MCM3AP: variants seen among roughly 807,000 people sequenced by gnomAD.
MCM3AP encodes germinal-center associated nuclear protein.
A neutral mutation model predicts 184.1 loss-of-function variants in MCM3AP; 126 were observed. The ratio of observed to expected loss-of-function variants is 0.68; its 90% CI spans 0.59 to 0.79. The LOEUF (loss-of-function observed/expected upper bound fraction) is 0.79, where lower values mean the gene tolerates loss of function less well. Ranked by LOEUF, MCM3AP falls within the 30% of genes least tolerant of loss-of-function variation. The pLI is 0.00. For missense variants in MCM3AP, 2,496 were observed against 2,479.2 expected, an observed-to-expected ratio of 1.01 and a Z score of -0.14; for synonymous variants, 1,002 against 979.3, an observed-to-expected ratio of 1.02 and a Z score of -0.43.
intron 20 of MCM3AP, among the ~76,000 whole-genome samples, chr21:46,247,849 C>A (rs562330652): frequency 1.3e-5 from 2 of 151,918 alleles, no homozygotes; most frequent in Non-Finnish European, 2.9e-5. Context: ...ACTGTAATCC[C>A]AGCACTTGGG....
intron 2 of MCM3AP, among the ~76,000 whole-genome samples, chr21:46,283,176 T>C (rs2081355280): frequency 6.6e-6 from 1 of 152,160 alleles, no homozygotes; most frequent in Non-Finnish European, 1.5e-5. Flanking sequence ...CCGCCCACCT[T>C]GGCCTCCCCA....
At chr21:46,246,178 G>A (rs2080763556) in intron 22 of MCM3AP, 129 bp downstream of exon 22, 5 of 642,728 alleles carry the variant, frequency 7.8e-6, no homozygotes, top group Non-Finnish European at 1.4e-5. Flanking sequence ...CCACTATACT[G>A]GGTGACAATA....
rs143503028 is a variant in MCM3AP, at chr21:46,246,240, T to C, written c.4647+67A>G. The C allele has an allele frequency of 1.4e-4, 131 of 967,736 alleles. No individual in the cohort carries two copies. In the African/African-American group the frequency reaches 2.0e-3, roughly 15 times the overall value. The allele number at this position is 967,736 out of a possible 1,614,324, so 59.9% of individuals were successfully genotyped here. ...ATGCAAACGCTAATATACACTCAAT[T>C]CAAGATACAGCAAAAGGGGAAAAAA... On this transcript the variant is annotated intron_variant, in intron 22 of 27. Coordinates refer to ENST00000291688, the MANE Select transcript of MCM3AP (RefSeq NM_003906.5).
intron 19 of MCM3AP, 92 bp from the exon 20 acceptor site, chr21:46,251,774 G>C (rs991347649): frequency 4.5e-5 from 35 of 775,976 alleles, no homozygotes; most frequent in Admixed American, 1.4e-4. Context: ...AAAGAAGAAA[G>C]AAAAATATCA....
chr21:46,283,921 T>A (rs2081365687), intron 1 of MCM3AP, 83 bp from the exon 2 acceptor site: 5 of 1,552,232 alleles, frequency 3.2e-6, no homozygotes, highest in Non-Finnish European at 4.4e-6. Flanking sequence ...CAGAGGAAAT[T>A]TTCAGATGTA....
intron 22 of MCM3AP, 121 bp from the exon 23 acceptor site, chr21:46,245,318 A>T (rs1308776973): frequency 1.2e-6 from 1 of 853,726 alleles, no homozygotes. Flanking sequence ...TGGGCTCTCA[A>T]CTGTGGTAGG....
At position 46,254,481 on chromosome 21, in the gene MCM3AP, C is replaced by T. The variant is rs1387526977; in HGVS notation, c.4047G>A (p.Glu1349=). 4 of 1,614,172 alleles carry T rather than the reference C, an allele frequency of 2.5e-6. No homozygotes were observed. The highest frequency in any genetic ancestry group is 1.1e-5 in the South Asian group (1 of 91,090). ...ASLDLPSLVA[E]HLPGRQEHVF... ...CATGCTCCTGCCTCCCAGGGAGGTG[C>T]TCAGCCACGAGGGATGGCAGGTCCA... Residue 1349 remains glutamate, a synonymous_variant, in exon 19 of 28, where the codon GAG becomes GAA. Coordinates refer to ENST00000291688, the MANE Select transcript of MCM3AP (RefSeq NM_003906.5).
At position 46,283,662 on chromosome 21, in the gene MCM3AP, A is replaced by G; in HGVS notation, c.1396T>C (p.Phe466Leu). 6.2e-7 allele frequency: 1 copy of G among 1,614,198 alleles called. No homozygotes were observed. Among genetic ancestry groups the G allele is most frequent in the Non-Finnish European group, 8.5e-7 (1 of 1,180,028 alleles). The change falls in exon 2 of 28, where the codon TTT (phenylalanine) becomes CTT (leucine). Residue 466 changes from phenylalanine to leucine, a missense_variant. By Grantham distance (22) the Phe-to-Leu change is conservative (BLOSUM62 0). Transcript: ENST00000291688. ...FGKIAKVQRI[F>L]TRRSKKLAVV... is the part of the protein sequence containing the mutation. The stretch of plus-strand genomic sequence containing the variant: ...GCAAGCTTTTTGCTGCGCCTGGTAA[A>G]GATGCGCTGCACTTTAGCAATTTTG...
chr21:46,245,339 G>C, intron 22 of MCM3AP, 142 bp from the exon 23 acceptor site: 1 of 735,684 alleles, frequency 1.4e-6, no homozygotes, highest in Non-Finnish European at 2.2e-6. Context: ...AAGGGGAACA[G>C]AAGTGTCCTA....
chr21:46,255,700 T>C (rs1569062799), intron 17 of MCM3AP, among the ~76,000 whole-genome samples: 1 of 151,182 alleles, frequency 6.6e-6, no homozygotes, highest in Non-Finnish European at 1.5e-5. Flanking sequence ...TGGAGATGCA[T>C]GATGGGGGCT....
chr21:46,266,087 T>A lies in MCM3AP; in HGVS notation c.2869A>T (p.Lys957Ter). The A allele has an allele frequency of 6.2e-7, 1 of 1,612,272 alleles. No homozygotes were observed. The highest frequency in any genetic ancestry group is 8.5e-7 in the Non-Finnish European group (1 of 1,179,266). Residue 957 changes from lysine (K) to a stop codon, truncating the protein, a stop_gained, in exon 11 of 28, where the codon AAG becomes TAG. Coordinates refer to ENST00000291688, the MANE Select transcript of MCM3AP (RefSeq NM_003906.5). LOFTEE classifies it high-confidence loss of function. The part of the protein sequence containing the change: ...KTRKSVFITR[K>*]LTVSVGEIVN... ...ATTTCCCCGACTGACACCGTCAGCT[T>A]CCTAGTAATAAACACCGACTTCCTG...
At chr21:46,275,375 A>T (rs779483876) in intron 5 of MCM3AP, 50 bp from the exon 6 acceptor site, 2 of 1,534,786 alleles carry the variant, frequency 1.3e-6, no homozygotes, top group Non-Finnish European at 1.8e-6. Flanking sequence ...GTTAGCACGA[A>T]CCTACAGAAG....
In MCM3AP at chr21:46,257,282, C is replaced by A. The variant is rs2080968852; in HGVS notation, c.3735-296G>T. On this transcript the variant is annotated intron_variant, in intron 16 of 27. Coordinates refer to ENST00000291688, the MANE Select transcript of MCM3AP (RefSeq NM_003906.5). The stretch of plus-strand genomic sequence containing the variant: ...CTGAGCTCAAGAGTTCAAGACCAGC[C>A]TGCGCAACACAGTGAAACCCAATCT... 1.3e-5 allele frequency among the ~76,000 whole-genome samples: 2 copies of A among 151,002 alleles called. 1 individual carries two copies. The highest frequency in any genetic ancestry group is 4.2e-4 in the South Asian group (2 of 4,772).
chr21:46,235,500 G>A (rs1382204629), intron 27 of MCM3AP, 74 bp from the exon 28 acceptor site: 3 of 1,298,902 alleles, frequency 2.3e-6, no homozygotes, highest in Non-Finnish European at 2.2e-6. Flanking sequence ...GAAGGTACTA[G>A]ATCTGGATCA....
intron 14 of MCM3AP, 114 bp downstream of exon 14, chr21:46,261,166 C>T (rs1350549918): frequency 2.6e-5 from 36 of 1,365,348 alleles, no homozygotes; most frequent in Non-Finnish European, 3.3e-5. Context: ...AGTGGGTCAG[C>T]AGGGGTGGAA....
At chr21:46,265,871 G>T (rs1019313029) in intron 11 of MCM3AP, 54 bp downstream of exon 11, 15 of 1,506,828 alleles carry the variant, frequency 1.0e-5, no homozygotes, top group Non-Finnish European at 1.3e-5. Context: ...CCTGGGAGGC[G>T]TTCTGGTGGG....
rs759003720 is a variant in MCM3AP, at chr21:46,245,214, G to A, written c.4648-17C>T. The A allele has an allele frequency of 8.9e-6, 14 of 1,572,452 alleles. No homozygotes were observed. Among genetic ancestry groups the A allele is most frequent in the Non-Finnish European group, 1.0e-5 (12 of 1,161,166 alleles). On this transcript the variant is annotated splice_polypyrimidine_tract_variant and intron_variant, in intron 22 of 27. Coordinates refer to ENST00000291688, the MANE Select transcript of MCM3AP (RefSeq NM_003906.5). Reference sequence around the variant, plus strand: ...TTGCAAAACCTGAGAAGAAAGAAGAGACTTGGTTGAACAATTCACACTGTT... The same window carrying A: ...TTGCAAAACCTGAGAAGAAAGAAGAAACTTGGTTGAACAATTCACACTGTT...
intron 9 of MCM3AP, among the ~76,000 whole-genome samples, chr21:46,268,314 G>C (rs929359651): frequency 1.3e-5 from 2 of 152,166 alleles, no homozygotes; most frequent in Non-Finnish European, 2.9e-5. Context: ...GTCCTCTTCC[G>C]ATGTTCTTTA....
Position 46,251,648 on chromosome 21 carries a change from C to T in MCM3AP, c.4171G>A (p.Gly1391Arg). ...GTGTCATCCACTGAGCCTTCATCTCCCATGAACTTGACTTTTAACCAATTT... is the reference window on the plus strand; with the variant it reads ...GTGTCATCCACTGAGCCTTCATCTCTCATGAACTTGACTTTTAACCAATTT... ...LANWLKVKFM[G>R]DEGSVDDTSS... The change falls in exon 20 of 28, where the codon GGA becomes AGA. Residue 1391 changes from glycine to arginine, a missense_variant. Transcript: ENST00000291688. The T allele has an allele frequency of 6.2e-7, 1 of 1,602,082 alleles. No individual in the cohort carries two copies. The highest frequency in any genetic ancestry group is 8.5e-7 in the Non-Finnish European group (1 of 1,170,202).
Sources: allele counts gnomAD v4.1 joint callset (sites outside exome capture counted in the v4.1 genomes callset), GRCh38; gene constraint gnomAD v4.1.1; transcripts MANE v1.5; gene names NCBI Gene and HGNC (gene_info 2026-07-23, HGNC 2026-07-21).